Variants in LPP observed in about 807,000 individuals in gnomAD.
LPP encodes the protein lipoma-preferred partner.
A neutral mutation model predicts 60.4 loss-of-function variants in LPP; 38 were observed. The observed-to-expected ratio is 0.63, with a 90% CI of 0.49 to 0.83. The LOEUF (loss-of-function observed/expected upper bound fraction) is 0.83, where lower values mean the gene tolerates loss of function less well. Ranked by LOEUF, LPP falls within the 40% of genes least tolerant of loss-of-function variation. LPP has a pLI of 0.00. For synonymous variants in LPP, 328 were observed against 290.8 expected, an observed-to-expected ratio of 1.13 and a Z score of -1.30; for missense variants, 902 against 783.6, an observed-to-expected ratio of 1.15 and a Z score of -1.80.
intron 7 of LPP, among the ~76,000 whole-genome samples, chr3:188,657,256 G>GTATATATATATATATATA (rs1441803027): frequency 8.6e-4 from 5 of 5,784 alleles, no homozygotes; most frequent in East Asian, 0.014. Flanking sequence ...AGCTGTCAAG[G>GTATATATATATATATATA]TGTATATATA....
Position 188,881,858 on chromosome 3 carries a change from A to C in LPP, c.*7379A>C, listed in dbSNP as rs375916577. The C allele has an allele frequency of 8.0e-4, 173 of 215,410 alleles. No individual in the cohort carries two copies. The highest frequency in any genetic ancestry group is 3.6e-3 in the African/African-American group (162 of 44,518). The allele number at this position is 215,410 out of a possible 1,614,324, so 13.3% of individuals were successfully genotyped here. A position where few individuals can be genotyped will look rare whatever the true frequency, so the allele number is the denominator to read the frequency against. On this transcript the variant is annotated 3_prime_UTR_variant, in exon 12 of 12. Coordinates refer to ENST00000617246, the MANE Select transcript of LPP (RefSeq NM_001375462.1). ...TATATGGACACTTTACAGGTTATAC[A>C]TAAATATTTGCTGGTTGATTGATTT...
chr3:188,243,838 A>C (rs1016758829), intron 2 of LPP, among the ~76,000 whole-genome samples: 4 of 152,210 alleles, frequency 2.6e-5, no homozygotes, highest in Admixed American at 6.5e-5. Flanking sequence ...ATCTGAGTTC[A>C]GGTCCACATC....
chr3:188,472,915 C>G (rs371042082), intron 4 of LPP: 2 of 152,136 alleles, frequency 1.3e-5, no homozygotes, highest in Non-Finnish European at 2.9e-5. Flanking sequence ...CAAGAAGTCT[C>G]AGTTTCTCAC....
intron 3 of LPP, among the ~76,000 whole-genome samples, chr3:188,377,079 T>C (rs1306580138): frequency 2.6e-5 from 4 of 152,240 alleles, no homozygotes; most frequent in African/African-American, 9.6e-5. Flanking sequence ...AGATCTGCTG[T>C]TAGTCTGATG....
At chr3:188,696,932 G>A (rs1279370978) in intron 7 of LPP, among the ~76,000 whole-genome samples, 1 of 152,082 alleles carries the variant, frequency 6.6e-6, no homozygotes, top group Non-Finnish European at 1.5e-5. Flanking sequence ...GATTTCATAG[G>A]AGGCTATAGT....
intron 1 of LPP, among the ~76,000 whole-genome samples, chr3:188,210,662 G>T (rs769310845): frequency 2.0e-5 from 3 of 152,146 alleles, no homozygotes; most frequent in Non-Finnish European, 4.4e-5. Context: ...GCAAGATGGA[G>T]GGTACGTTTA....
At chr3:188,514,144 A>G (rs1254713588) in intron 5 of LPP, among the ~76,000 whole-genome samples, 2 of 152,088 alleles carry the variant, frequency 1.3e-5, no homozygotes, top group Non-Finnish European at 2.9e-5. Flanking sequence ...TATCTTAAGG[A>G]TGGATCTGAA....
At chr3:188,425,449 A>C (rs55963507) in intron 4 of LPP, among the ~76,000 whole-genome samples, 2 of 152,120 alleles carry the variant, frequency 1.3e-5, no homozygotes, top group African/African-American at 4.8e-5. Flanking sequence ...TAGCAGGATG[A>C]TGCTGGCCTC....
intron 3 of LPP, among the ~76,000 whole-genome samples, chr3:188,400,522 G>A (rs1391977107): frequency 1.3e-5 from 2 of 152,148 alleles, no homozygotes; most frequent in African/African-American, 2.4e-5. Flanking sequence ...TCTTAGGACC[G>A]CTGGGGGAAC....
At chr3:188,273,390 C>T (rs543883833) in intron 2 of LPP, among the ~76,000 whole-genome samples, 1 of 152,204 alleles carries the variant, frequency 6.6e-6, no homozygotes, top group South Asian at 2.1e-4. Context: ...CTAATAATAC[C>T]TAATATGGTG....
intron 7 of LPP, among the ~76,000 whole-genome samples, chr3:188,639,436 C>T (rs1849577878): frequency 6.6e-6 from 1 of 151,636 alleles, no homozygotes; most frequent in African/African-American, 2.4e-5. Context: ...TAGGCATTAC[C>T]ATTCAGGACA....
At chr3:188,814,878 C>G (rs1752033068) in intron 9 of LPP, among the ~76,000 whole-genome samples, 1 of 152,162 alleles carries the variant, frequency 6.6e-6, no homozygotes, top group Non-Finnish European at 1.5e-5. Flanking sequence ...AGAAGATATC[C>G]CTGCCCATGA....
intron 3 of LPP, among the ~76,000 whole-genome samples, chr3:188,347,789 G>A (rs910498351): frequency 6.6e-6 from 1 of 152,190 alleles, no homozygotes; most frequent in Non-Finnish European, 1.5e-5. Context: ...AGAGTGAAAG[G>A]CAGGTCAGAG....
At chr3:188,845,573 G>A (rs1761189716) in intron 9 of LPP, among the ~76,000 whole-genome samples, 1 of 152,178 alleles carries the variant, frequency 6.6e-6, no homozygotes, top group African/African-American at 2.4e-5. Flanking sequence ...TTGAATGTGA[G>A]TGAGTGTGAA....
At chr3:188,216,174 A>G (rs372423265) in intron 1 of LPP, among the ~76,000 whole-genome samples, 22 of 152,096 alleles carry the variant, frequency 1.4e-4, no homozygotes, top group African/African-American at 4.1e-4. Flanking sequence ...GATATGTGGC[A>G]TGATATCTAA....
chr3:188,433,623 AGAG>A (rs775359689), intron 4 of LPP, among the ~76,000 whole-genome samples: 2 of 138,384 alleles, frequency 1.4e-5, no homozygotes, highest in Non-Finnish European at 3.1e-5. Context: ...AGAGAGAGAG[AGAG>A]AGGAGAAAGG....
intron 2 of LPP, among the ~76,000 whole-genome samples, chr3:188,252,175 A>ATG (rs1290274165): frequency 6.9e-5 from 1 of 14,412 alleles, no homozygotes; most frequent in Non-Finnish European, 1.3e-4. Context: ...CCAAACATAT[A>ATG]TATATATATA....
intron 2 of LPP, among the ~76,000 whole-genome samples, chr3:188,297,136 C>T (rs141683521): frequency 4.2e-4 from 64 of 152,272 alleles, no homozygotes; most frequent in African/African-American, 1.4e-3. Context: ...TGATGTCATT[C>T]GATCTATAAT....
At chr3:188,816,954 C>CT (rs1226517713) in intron 9 of LPP, among the ~76,000 whole-genome samples, 4 of 152,122 alleles carry the variant, frequency 2.6e-5, no homozygotes, top group Admixed American at 6.6e-5. Flanking sequence ...TGCTTTTGAC[C>CT]TTTTTTTCTT....
Sources: allele counts gnomAD v4.1 joint callset (sites outside exome capture counted in the v4.1 genomes callset), GRCh38; gene constraint gnomAD v4.1.1; transcripts MANE v1.5; gene names NCBI Gene and HGNC (gene_info 2026-07-23, HGNC 2026-07-21).